Variants in THSD1 observed in about 807,000 individuals in gnomAD.
The protein encoded by THSD1 is thrombospondin type 1 domain containing 1, also known as thrombospondin type-1 domain-containing protein 1.
Under a neutral mutation model 46.3 loss-of-function variants are expected in THSD1, and 34 were observed. The observed-to-expected ratio is 0.74, with a 90% CI of 0.56 to 0.98. THSD1 has a LOEUF of 0.98. Among genes scored for constraint, THSD1 ranks in the 50% least tolerant of loss-of-function variants. THSD1 has a pLI of 0.00. For missense variants in THSD1, 1,023 were observed against 1,058.3 expected (o/e 0.97, Z 0.46); for synonymous variants, 407 against 416.5 (o/e 0.98, Z 0.28).
chr13:52,380,592 AC>A (rs2137724243), intron 4 of THSD1, among the ~76,000 whole-genome samples: 1 of 145,522 alleles, frequency 6.9e-6, no homozygotes, highest in African/African-American at 2.6e-5. Flanking sequence ...GACTACAGGC[AC>A]CCACCACCAC....
intron 4 of THSD1, among the ~76,000 whole-genome samples, chr13:52,381,446 A>G (rs1158522043): frequency 6.6e-6 from 1 of 151,924 alleles, no homozygotes; most frequent in East Asian, 1.9e-4. Flanking sequence ...TTCCAATTTC[A>G]CCACTTTCTT....
At position 52,395,277 on chromosome 13, in the gene THSD1, C is replaced by A. The variant is rs184776962; in HGVS notation, c.1021+1955G>T. On this transcript the variant is annotated intron_variant, in intron 3 of 4. Coordinates refer to ENST00000258613, the MANE Select transcript of THSD1 (RefSeq NM_018676.4). ...TAGGCAAGGGGTAACGGAGATTTAA[C>A]CCAAGTGGTGTCACTGGAACTGGGG... Among the ~76,000 whole-genome samples the A allele has an allele frequency of 2.0e-4, 31 of 152,236 alleles. No individual in the cohort carries two copies. In the East Asian group the frequency reaches 5.0e-3, roughly 25 times the overall value.
At position 52,378,113 on chromosome 13, in the gene THSD1, G is replaced by T. The variant is rs1384958662; in HGVS notation, c.1857C>A (p.Ser619Arg). ...ACTTGCGGATCAGAGTCTGGCTGGGGCTTATGGCACAACTGGCCTGAGTCA... is the reference window on the plus strand; with the variant it reads ...ACTTGCGGATCAGAGTCTGGCTGGGTCTTATGGCACAACTGGCCTGAGTCA... The part of the protein sequence containing the change: ...LNVTQASCAI[S>R]PSQTLIRKSQ... Residue 619 changes from serine (S) to arginine (R), a missense_variant, in exon 5 of 5, where the codon AGC becomes AGA. Ser to Arg is a moderately radical substitution (Grantham distance 110). Around this residue, in one of 3 missense-constraint regions of THSD1, gnomAD observed 578 missense variants for 497.4 expected, o/e 1.16. Coordinates refer to ENST00000258613, the MANE Select transcript of THSD1 (RefSeq NM_018676.4). The T allele has an allele frequency of 6.2e-7, 1 of 1,614,206 alleles. No individual in the cohort carries two copies. The highest frequency in any genetic ancestry group is 1.7e-5 in the Admixed American group (1 of 60,034).
rs1566957741 is a variant in THSD1 at position 52,377,699 on chromosome 13, G to C, written c.2271C>G (p.His757Gln). The change falls in exon 5 of 5, where the codon CAC becomes CAG. Residue 757 changes from histidine to glutamine, a missense_variant. By Grantham distance (24) the His-to-Gln change is conservative. This residue lies in a region of THSD1 where 578 missense variants were observed against 497.4 expected (regional missense o/e 1.16). Coordinates refer to ENST00000258613, the MANE Select transcript of THSD1 (RefSeq NM_018676.4). ...LVAGIERTEP[H>Q]RARRGPSPSH... ...TGGGGGACGGTCCCCGACGAGCTCTGTGGGGCTCTGTTCTCTCAATTCCGG... is the reference window on the plus strand; with the variant it reads ...TGGGGGACGGTCCCCGACGAGCTCTCTGGGGCTCTGTTCTCTCAATTCCGG... The C allele has an allele frequency of 1.9e-6, 3 of 1,611,724 alleles. No individual in the cohort carries two copies. The highest frequency in any genetic ancestry group is 4.5e-5 in the East Asian group (2 of 44,820).
intron 3 of THSD1, among the ~76,000 whole-genome samples, chr13:52,395,302 G>A (rs1263161395): frequency 6.6e-6 from 1 of 152,222 alleles, no homozygotes; most frequent in Non-Finnish European, 1.5e-5. Flanking sequence ...TGGAACTGGG[G>A]AGAAGTGGAG....
intron 4 of THSD1, 63 bp downstream of exon 4, chr13:52,385,965 G>T: frequency 6.6e-7 from 1 of 1,517,340 alleles, no homozygotes; most frequent in Non-Finnish European, 9.0e-7. Context: ...GCAGGCCTGG[G>T]TTCAATATTC....
At chr13:52,398,499 C>G in intron 2 of THSD1, 6 of 963,406 alleles carry the variant, frequency 6.2e-6, no homozygotes, top group Non-Finnish European at 7.4e-6. Flanking sequence ...ACCTCAGACT[C>G]TCAAACTGCT....
chr13:52,393,834 T>C (rs1957790649), intron 3 of THSD1, among the ~76,000 whole-genome samples: 1 of 152,110 alleles, frequency 6.6e-6, no homozygotes, highest in African/African-American at 2.4e-5. Context: ...GAGAACCCAG[T>C]TCAGTCATAA....
intron 3 of THSD1, 102 bp from the exon 4 acceptor site, chr13:52,386,288 A>G: frequency 7.9e-7 from 1 of 1,272,420 alleles, no homozygotes; most frequent in South Asian, 1.4e-5. Flanking sequence ...GGTCTTGAAA[A>G]GCCCGTGAGT....
At position 52,397,357 on chromosome 13, in the gene THSD1, C is replaced by G. The variant is rs1250165431; in HGVS notation, c.896G>C (p.Arg299Thr). ...LAENSLPLGE[R>T]RTIFNCTLFD... is the part of the protein sequence containing the mutation. ...CAAAGTACAGTTAAAAATTGTCCTC[C>G]TCTCTCCCAGGGGCAGGCTGTTTTC... Residue 299 changes from arginine (R) to threonine (T), a missense_variant, in exon 3 of 5, where the codon AGG (arginine) becomes ACG (threonine). Arg to Thr is a moderately conservative substitution (Grantham distance 71). Transcript: ENST00000258613. The G allele has an allele frequency of 1.2e-6, 2 of 1,614,128 alleles. No individual in the cohort carries two copies. Among genetic ancestry groups the G allele is most frequent in the Admixed American group, 1.7e-5 (1 of 60,010 alleles).
At chr13:52,391,307 C>A (rs1957771532) in intron 3 of THSD1, among the ~76,000 whole-genome samples, 1 of 151,452 alleles carries the variant, frequency 6.6e-6, no homozygotes, top group Admixed American at 6.6e-5. Flanking sequence ...GCCTCAACTT[C>A]CCCCTGCTCA....
intron 4 of THSD1, among the ~76,000 whole-genome samples, chr13:52,383,472 A>T (rs1957707271): frequency 6.6e-6 from 1 of 152,242 alleles, no homozygotes; most frequent in African/African-American, 2.4e-5. Context: ...GAATGATGAA[A>T]GGCTTGTTCC....
rs1957872948 is a variant in THSD1, at chr13:52,402,570, G to A, written c.31C>T (p.Leu11=). 1 of 1,613,808 alleles carries A rather than the reference G, an allele frequency of 6.2e-7. No homozygotes were observed. The highest frequency in any genetic ancestry group is 8.5e-7 in the Non-Finnish European group (1 of 1,179,858). MKPMLKDFSN[L]LLVVLCDYVL... is the part of the protein sequence containing the mutation. ...TAGTCACAGAGTACCACCAACAATA[G>A]ATTTGAAAAGTCTTTCAACATTGGT... Residue 11 remains leucine, a synonymous_variant, in exon 2 of 5, where the codon CTA becomes TTA. Transcript: ENST00000258613.
chr13:52,387,242 T>C lies in THSD1; in HGVS notation c.1022-1056A>G, dbSNP rs148178082. On this transcript the variant is annotated intron_variant, in intron 3 of 4. Transcript: ENST00000258613. ...TAAACACAAAATAACACTCAAAAAA[T>C]GTCAAATGTGATAAGCACTGAGGGT... Among the ~76,000 whole-genome samples, 815 of 152,186 alleles carry C rather than the reference T, an allele frequency of 5.4e-3. 2 individuals are homozygous for C. Among genetic ancestry groups the C allele is most frequent in the African/African-American group, 0.018 (752 of 41,516 alleles).
intron 3 of THSD1, among the ~76,000 whole-genome samples, chr13:52,390,369 T>C (rs1219495369): frequency 1.3e-5 from 2 of 151,950 alleles, no homozygotes; most frequent in Non-Finnish European, 2.9e-5. Flanking sequence ...GGTGCAATCT[T>C]TGGAGTGAGT....
chr13:52,397,490 CG>C lies in THSD1; in HGVS notation c.762del (p.Val256Ter). 1.2e-6 allele frequency: 2 copies of C among 1,614,104 alleles called. No homozygotes were observed. The highest frequency in any genetic ancestry group is 1.7e-6 in the Non-Finnish European group (2 of 1,180,020). ...GGAGGCAGCACTGTCACCTCTACCC[CG>C]GACTCACATGTGAGTTCTGGCACCA... Reference protein sequence around the residue: ...LVMVPELTCESGVEVTVLPPP... With the variant: ...LVMVPELTCEXGVEVTVLPPP... On this transcript the variant is annotated frameshift_variant, in exon 3 of 5. Coordinates refer to ENST00000258613, the MANE Select transcript of THSD1 (RefSeq NM_018676.4). LOFTEE classifies it high-confidence loss of function.
intron 4 of THSD1, chr13:52,384,426 T>C (rs1281425374): frequency 2.2e-6 from 1 of 455,908 alleles, no homozygotes; most frequent in South Asian, 1.5e-5. Flanking sequence ...GGTCCTCATC[T>C]GCAATGTGGA....
rs1371101151 is a variant in THSD1, at chr13:52,386,308, C to T, written c.1022-122G>A. ...TGAAAAGCCCGTGAGTTAAAGCGTT[C>T]CCAGAGATGAAGAAAGCTGAAAAGA... On this transcript the variant is annotated intron_variant, in intron 3 of 4. Transcript: ENST00000258613. 6 of 963,510 alleles carry T rather than the reference C, an allele frequency of 6.2e-6. No individual in the cohort carries two copies. In the Admixed American group the frequency reaches 7.4e-5, roughly 12 times the overall value. The allele number at this position is 963,510 out of a possible 1,614,324, so 59.7% of individuals were successfully genotyped here.
At chr13:52,394,054 T>G (rs1344756168) in intron 3 of THSD1, among the ~76,000 whole-genome samples, 1 of 152,088 alleles carries the variant, frequency 6.6e-6, no homozygotes, top group African/African-American at 2.4e-5. Context: ...AGCCCCTGAC[T>G]ACCCTCCACC....
Sources: gnomAD v4.1 joint callset for allele counts (sites outside exome capture counted in the v4.1 genomes callset) on GRCh38, gnomAD v4.1.1 for gene constraint, gnomAD v4.1.1 regional missense constraint, MANE v1.5 for transcripts, NCBI Gene and HGNC (gene_info 2026-07-23, HGNC 2026-07-21) for gene names.